The following NETO2 variants were observed in gnomAD, a reference collection of about 807,000 sequenced individuals.
The protein encoded by NETO2 is neuropilin and tolloid like 2.
NETO2 carries 28 observed loss-of-function variants against 62.5 expected under a neutral mutation model. That is an observed-to-expected ratio of 0.45 (90% CI 0.33 to 0.61). NETO2 has a LOEUF of 0.61. NETO2 is among the 20% of genes least tolerant of loss of function. NETO2 has a pLI of 0.02. For missense variants in NETO2, 548 were observed against 643.2 expected (o/e 0.85, Z 1.60); for synonymous variants, 214 against 219.1 (o/e 0.98, Z 0.21).
intron 1 of NETO2, among the ~76,000 whole-genome samples, chr16:47,132,248 G>A (rs779487309): frequency 4.0e-5 from 6 of 151,718 alleles, no homozygotes; most frequent in Non-Finnish European, 8.8e-5. Context: ...TCATTTATAA[G>A]CATTTAATAA....
chr16:47,134,238 T>C (rs1009086138), intron 1 of NETO2, among the ~76,000 whole-genome samples: 10 of 152,144 alleles, frequency 6.6e-5, no homozygotes, highest in African/African-American at 2.4e-4. Flanking sequence ...TATCTTAAAA[T>C]CTAATTCTTT....
At position 47,143,313 on chromosome 16, in the gene NETO2, C is replaced by T. The variant is rs557066639; in HGVS notation, c.34+266G>A. ...CTGCTGGGCCCAGGGGCCTCCTGGC[C>T]GCCTTCCCGACCCGATCCCTCTTCC... is the stretch of plus-strand genomic sequence containing the variant. On this transcript the variant is annotated intron_variant, in intron 1 of 8. Coordinates refer to ENST00000562435, the MANE Select transcript of NETO2 (RefSeq NM_018092.5). Among the ~76,000 whole-genome samples, 5 of 152,128 alleles carry T rather than the reference C, an allele frequency of 3.3e-5. No individual in the cohort carries two copies. In the East Asian group the frequency reaches 9.7e-4, roughly 29 times the overall value.
At chr16:47,108,842 G>A (rs1012415615) in intron 7 of NETO2, among the ~76,000 whole-genome samples, 2 of 152,072 alleles carry the variant, frequency 1.3e-5, no homozygotes, top group South Asian at 2.1e-4. Context: ...CTGAGTGAAC[G>A]GCACATAGGG....
At chr16:47,101,080 G>A (rs949271212) in intron 7 of NETO2, among the ~76,000 whole-genome samples, 5 of 152,162 alleles carry the variant, frequency 3.3e-5, no homozygotes, top group Admixed American at 6.5e-5. Flanking sequence ...AAATCCAGCA[G>A]CACATCAAAA....
intron 8 of NETO2, among the ~76,000 whole-genome samples, chr16:47,084,983 A>G (rs1480880638): frequency 6.6e-6 from 1 of 152,170 alleles, no homozygotes; most frequent in Non-Finnish European, 1.5e-5. Context: ...CTGTTCTGTG[A>G]AAAAATTGTC....
At chr16:47,115,371 A>C (rs1042563588) in intron 6 of NETO2, among the ~76,000 whole-genome samples, 1 of 152,092 alleles carries the variant, frequency 6.6e-6, no homozygotes, top group African/African-American at 2.4e-5. Context: ...TTGACACAGT[A>C]TATTTACTTA....
intron 4 of NETO2, among the ~76,000 whole-genome samples, chr16:47,126,532 A>G (rs1964160547): frequency 6.6e-6 from 1 of 152,128 alleles, no homozygotes; most frequent in South Asian, 2.1e-4. Flanking sequence ...ACTGTTCTGT[A>G]TGGTTCTGTA....
chr16:47,117,234 G>C (rs1021550046), intron 6 of NETO2, among the ~76,000 whole-genome samples: 19 of 152,138 alleles, frequency 1.2e-4, no homozygotes, highest in African/African-American at 2.4e-5. Context: ...AGAAAAAATA[G>C]TCATTCAAAT....
chr16:47,129,583 G>A (rs949041570), intron 2 of NETO2, among the ~76,000 whole-genome samples: 2 of 152,130 alleles, frequency 1.3e-5, no homozygotes, highest in East Asian at 1.9e-4. Flanking sequence ...AGAGAACAGG[G>A]AAATAAAGGG....
chr16:47,138,365 A>C (rs1040552269), intron 1 of NETO2, among the ~76,000 whole-genome samples: 3 of 152,138 alleles, frequency 2.0e-5, no homozygotes, highest in African/African-American at 7.2e-5. Flanking sequence ...GTGCCACTGC[A>C]CTCCAGCCTG....
In NETO2 at chr16:47,083,071, A is replaced by G. The variant is rs2143789658; in HGVS notation, c.*150T>C. On this transcript the variant is annotated 3_prime_UTR_variant, in exon 9 of 9. Coordinates refer to ENST00000562435, the MANE Select transcript of NETO2 (RefSeq NM_018092.5). ...TTAACATATATAGACTGCCTGAGAG[A>G]ATAAAAACATCACCATACAATAGGT... The G allele has an allele frequency of 1.5e-6, 1 of 665,298 alleles. No homozygotes were observed. The highest frequency in any genetic ancestry group is 2.1e-5 in the South Asian group (1 of 47,142). 41.2% of individuals were successfully genotyped at this position (665,298 alleles called of 1,614,324 possible).
intron 1 of NETO2, among the ~76,000 whole-genome samples, 170 bp from the exon 2 acceptor site, chr16:47,132,195 C>T (rs753623649): frequency 5.9e-5 from 9 of 151,964 alleles, no homozygotes; most frequent in South Asian, 2.1e-4. Context: ...GATTTGCTAC[C>T]TAACCCTTAA....
rs950711284 is a variant in NETO2 at position 47,079,594 on chromosome 16, C to G, written c.*3627G>C. 2.6e-5 allele frequency: 4 copies of G among 152,388 alleles called. No individual in the cohort carries two copies. The highest frequency in any genetic ancestry group is 9.6e-5 in the African/African-American group (4 of 41,534). The allele number at this position is 152,388 out of a possible 1,614,324, so 9.4% of individuals were successfully genotyped here. A position where few individuals can be genotyped will look rare whatever the true frequency, so the allele number is the denominator to read the frequency against. ...TGGGCGACAGAGCGAGACTCCGTCT[C>G]AAAAAAGAAAAAAACCAGAGTACTG... On this transcript the variant is annotated 3_prime_UTR_variant, in exon 9 of 9. Coordinates refer to ENST00000562435, the MANE Select transcript of NETO2 (RefSeq NM_018092.5).
At chr16:47,104,087 T>C (rs986355507) in intron 7 of NETO2, among the ~76,000 whole-genome samples, 14 of 152,130 alleles carry the variant, frequency 9.2e-5, no homozygotes, top group African/African-American at 3.4e-4. Context: ...GTTTTCTCTG[T>C]TCACAGACAA....
At chr16:47,121,742 A>C (rs1462789623) in intron 6 of NETO2, among the ~76,000 whole-genome samples, 1 of 152,148 alleles carries the variant, frequency 6.6e-6, no homozygotes. Flanking sequence ...CAGTATGTCT[A>C]CCCCTGTGCA....
chr16:47,090,416 T>A (rs1963288131), intron 7 of NETO2, among the ~76,000 whole-genome samples: 1 of 152,226 alleles, frequency 6.6e-6, no homozygotes, highest in Non-Finnish European at 1.5e-5. Flanking sequence ...GGGATTTTAA[T>A]GGTATGCTTC....
Position 47,122,703 on chromosome 16 carries a change from T to C in NETO2, c.608A>G (p.Gln203Arg), listed in dbSNP as rs1218673306. 1.1e-5 allele frequency: 18 copies of C among 1,614,032 alleles called. No homozygotes were observed. Among genetic ancestry groups the C allele is most frequent in the Middle Eastern group, 1.6e-4 (1 of 6,082 alleles). ...AATGGTCCAGATGCAATCAACGGCT[T>C]GGCCTGGTTTTGTTTTCTCCTCTTG... ...VEQEEKTKPGQAVDCIWTIKA... is the reference protein window; with the variant it reads ...VEQEEKTKPGRAVDCIWTIKA... Residue 203 changes from glutamine to arginine, a missense_variant, in exon 6 of 9, where the codon CAA (glutamine) becomes CGA (arginine). Coordinates refer to ENST00000562435, the MANE Select transcript of NETO2 (RefSeq NM_018092.5).
intron 7 of NETO2, among the ~76,000 whole-genome samples, chr16:47,091,541 C>T (rs975028843): frequency 6.6e-6 from 1 of 152,192 alleles, no homozygotes; most frequent in Non-Finnish European, 1.5e-5. Flanking sequence ...TTTAACCCAA[C>T]ATATCAGTGC....
chr16:47,098,926 G>A (rs1171440101), intron 7 of NETO2, among the ~76,000 whole-genome samples: 1 of 152,074 alleles, frequency 6.6e-6, no homozygotes, highest in Non-Finnish European at 1.5e-5. Context: ...CACAATCTAG[G>A]CTCACTGCAA....
Sources: allele counts gnomAD v4.1 joint callset (sites outside exome capture counted in the v4.1 genomes callset), GRCh38; gene constraint gnomAD v4.1.1; transcripts MANE v1.5; gene names NCBI Gene and HGNC (gene_info 2026-07-23, HGNC 2026-07-21).